CNKSR2: variants seen among roughly 807,000 people sequenced by gnomAD.
The protein encoded by CNKSR2 is CNK homolog protein 2.
CNKSR2 carries 14 observed loss-of-function variants against 84.4 expected under a neutral mutation model. That is an observed-to-expected ratio of 0.17 (90% CI 0.11 to 0.26). The LOEUF (loss-of-function observed/expected upper bound fraction) is 0.26, where lower values mean the gene tolerates loss of function less well. Ranked by LOEUF, CNKSR2 falls within the 10% of genes least tolerant of loss-of-function variation. CNKSR2 has a pLI of 1.00. For synonymous variants in CNKSR2, 275 were observed against 277.9 expected (o/e 0.99, Z 0.10); for missense variants, 485 against 771.2 (o/e 0.63, Z 4.40).
intron 11 of CNKSR2, among the ~76,000 whole-genome samples, chrX:21,542,095 C>T (rs1036944368): frequency 8.9e-6 from 1 of 112,177 alleles, no homozygotes; most frequent in Non-Finnish European, 1.9e-5. Flanking sequence ...TAGGAAAAGA[C>T]TGCTAAATTT....
chrX:21,599,184 A>G (rs1429190543), intron 17 of CNKSR2, among the ~76,000 whole-genome samples: 1 of 112,702 alleles, frequency 8.9e-6, no homozygotes, highest in Non-Finnish European at 1.9e-5. Context: ...TCCCTAAAAC[A>G]TAGCTTATTG....
chrX:21,383,499 T>G (rs964477561), intron 1 of CNKSR2, among the ~76,000 whole-genome samples: 16 of 112,350 alleles, frequency 1.4e-4, no homozygotes, highest in African/African-American at 4.5e-4. Flanking sequence ...TATGATAGTT[T>G]GTCATGATAA....
intron 20 of CNKSR2, among the ~76,000 whole-genome samples, chrX:21,612,277 G>A (rs1315912172): frequency 1.8e-5 from 2 of 112,011 alleles, no homozygotes; most frequent in East Asian, 2.8e-4. Context: ...AATTATACAC[G>A]GAAACGAAGC....
intron 1 of CNKSR2, among the ~76,000 whole-genome samples, chrX:21,387,003 A>T (rs1362657150): frequency 8.9e-6 from 1 of 112,117 alleles, no homozygotes; most frequent in Non-Finnish European, 1.9e-5. Flanking sequence ...AATTGTTGAC[A>T]CCTTGTTTTA....
chrX:21,429,300 G>T (rs1221045122), intron 2 of CNKSR2: 1 of 111,905 alleles, frequency 8.9e-6, no homozygotes, highest in Non-Finnish European at 1.9e-5. Context: ...TACATTTCAT[G>T]TATAAGTTTT....
intron 1 of CNKSR2, among the ~76,000 whole-genome samples, chrX:21,422,811 A>G (rs1601770006): frequency 9.0e-6 from 1 of 111,459 alleles, no homozygotes; most frequent in East Asian, 2.8e-4. Context: ...ACTTTGTATA[A>G]TGTATCAGAA....
At chrX:21,460,540 C>T (rs5951595) in intron 4 of CNKSR2, among the ~76,000 whole-genome samples, 38,863 of 111,023 alleles carry the variant, frequency 0.35, 8,573 homozygotes, top group African/African-American at 0.83. Flanking sequence ...ATCTTTCATG[C>T]TATAATCCAA....
chrX:21,488,840 C>G (rs2091413281), intron 5 of CNKSR2, among the ~76,000 whole-genome samples: 1 of 110,868 alleles, frequency 9.0e-6, no homozygotes, highest in Non-Finnish European at 1.9e-5. Context: ...TTTCTAAATA[C>G]GGTAGCTACA....
At chrX:21,426,253 A>G in intron 1 of CNKSR2, 1 of 333,048 alleles carries the variant, frequency 3.0e-6, no homozygotes, top group Non-Finnish European at 5.1e-6. Context: ...AAAGATAAAG[A>G]TTTCCAGTAC....
intron 3 of CNKSR2, among the ~76,000 whole-genome samples, chrX:21,435,499 A>C (rs989010621): frequency 8.9e-6 from 1 of 111,847 alleles, no homozygotes; most frequent in African/African-American, 3.2e-5. Context: ...ATAAAATCTA[A>C]GGTTAACACA....
intron 1 of CNKSR2, among the ~76,000 whole-genome samples, chrX:21,385,100 T>G (rs1357025635): frequency 9.0e-6 from 1 of 111,527 alleles, no homozygotes; most frequent in East Asian, 2.8e-4. Context: ...TTTAAAATTT[T>G]TTTCTGAATT....
intron 9 of CNKSR2, among the ~76,000 whole-genome samples, chrX:21,517,166 C>T (rs748356991): frequency 4.5e-5 from 5 of 111,003 alleles, no homozygotes; most frequent in Non-Finnish European, 9.4e-5. Context: ...GGGTGGATCA[C>T]TTCAGGCCAG....
At chrX:21,447,492 A>G (rs776763099) in intron 4 of CNKSR2, among the ~76,000 whole-genome samples, 1 of 111,599 alleles carries the variant, frequency 9.0e-6, no homozygotes, top group Non-Finnish European at 1.9e-5. Flanking sequence ...CCCTAAGAAG[A>G]GGTAACTTTT....
intron 20 of CNKSR2, among the ~76,000 whole-genome samples, chrX:21,613,939 C>CAA (rs574989450): frequency 1.0e-4 from 5 of 50,199 alleles, no homozygotes; most frequent in East Asian, 6.2e-4. Flanking sequence ...ACTCTGTCTC[C>CAA]AAAAAAAAAA....
chrX:21,511,650 A>C (rs1437721051), intron 8 of CNKSR2, among the ~76,000 whole-genome samples: 1 of 111,373 alleles, frequency 9.0e-6, no homozygotes, highest in South Asian at 3.8e-4. Context: ...TTGCAAAGAT[A>C]CAGCTAAAGA....
chrX:21,380,129 ACT>A (rs1384303842), intron 1 of CNKSR2, among the ~76,000 whole-genome samples: 3 of 111,185 alleles, frequency 2.7e-5, no homozygotes, highest in African/African-American at 9.8e-5. Flanking sequence ...AGACAATAAA[ACT>A]CTCATCATGT....
chrX:21,503,108 T>A, intron 8 of CNKSR2: 1 of 278,401 alleles, frequency 3.6e-6, no homozygotes, highest in Non-Finnish European at 6.3e-6. Flanking sequence ...AGGATATTGT[T>A]TGTGGAACAA....
At chrX:21,476,226 A>G (rs767192349) in intron 5 of CNKSR2, among the ~76,000 whole-genome samples, 1 of 111,548 alleles carries the variant, frequency 9.0e-6, no homozygotes, top group East Asian at 2.8e-4. Context: ...CCTGTATTAA[A>G]AAAGAATACC....
chrX:21,629,418 A>C (rs1435764046), intron 20 of CNKSR2, among the ~76,000 whole-genome samples: 1 of 111,699 alleles, frequency 9.0e-6, no homozygotes, highest in Admixed American at 9.5e-5. Context: ...TCATTTTCAC[A>C]CTGCTGATAA....
Sources: gnomAD v4.1 joint callset for allele counts (sites outside exome capture counted in the v4.1 genomes callset) on GRCh38, gnomAD v4.1.1 for gene constraint, MANE v1.5 for transcripts, NCBI Gene and HGNC (gene_info 2026-07-23, HGNC 2026-07-21) for gene names.